The following USP50 variants were observed in gnomAD, a reference collection of about 807,000 sequenced individuals.
USP50 encodes ubiquitin specific peptidase 50.
In USP50, 37 loss-of-function variants were observed where a neutral mutation model predicts 39.2. The observed-to-expected ratio is 0.94, with a 90% CI of 0.73 to 1.24. The LOEUF (loss-of-function observed/expected upper bound fraction) is 1.24, where lower values mean the gene tolerates loss of function less well. USP50 is among the 50% of genes most tolerant of loss of function. The probability of loss-of-function intolerance (pLI) is 0.00; values close to 1 mark genes in which losing one functional copy is unlikely to be tolerated. For synonymous variants in USP50, 139 were observed against 144.5 expected, an observed-to-expected ratio of 0.96 and a Z score of 0.27; for missense variants, 374 against 398.2, an observed-to-expected ratio of 0.94 and a Z score of 0.52.
chr15:50,518,052 A>G (rs2052817161), intron 6 of USP50, among the ~76,000 whole-genome samples: 1 of 152,192 alleles, frequency 6.6e-6, no homozygotes, highest in South Asian at 2.1e-4. Flanking sequence ...CTATATCAGA[A>G]AAGAAGAAAG....
intron 5 of USP50, among the ~76,000 whole-genome samples, chr15:50,537,894 G>A (rs1596019276): frequency 5.2e-5 from 3 of 58,068 alleles, no homozygotes; most frequent in Non-Finnish European, 1.1e-4. Context: ...GGGAGGGGAG[G>A]GGAGGGAAGG....
chr15:50,498,807 G>T, downstream of USP50: 1 of 1,549,568 alleles, frequency 6.5e-7, no homozygotes, highest in South Asian at 1.2e-5. Context: ...CTACCTCATG[G>T]AAGAGTAAGA....
chr15:50,504,832 AT>A (rs1414760762), intron 6 of USP50: 2 of 145,622 alleles, frequency 1.4e-5, no homozygotes, highest in African/African-American at 5.1e-5. Context: ...AACAAAAAAA[AT>A]TAGCTGGGCC....
intron 6 of USP50, chr15:50,505,543 A>C (rs2052647078): frequency 6.6e-6 from 1 of 152,202 alleles, no homozygotes; most frequent in African/African-American, 2.4e-5. Flanking sequence ...AAACTCAATG[A>C]AGGAAGAAGT....
At chr15:50,536,010 T>G (rs970736145) in intron 5 of USP50, among the ~76,000 whole-genome samples, 1 of 152,148 alleles carries the variant, frequency 6.6e-6, no homozygotes, top group Admixed American at 6.5e-5. Flanking sequence ...CTACAAATAA[T>G]CTACAGTAAC....
At chr15:50,533,513 T>A (rs1454514290) in intron 5 of USP50, among the ~76,000 whole-genome samples, 1 of 151,846 alleles carries the variant, frequency 6.6e-6, no homozygotes, top group South Asian at 2.1e-4. Context: ...AACATAAGAA[T>A]TACATCTAAC....
intron 5 of USP50, among the ~76,000 whole-genome samples, chr15:50,533,354 C>T (rs3109877): frequency 0.18 from 27,560 of 151,766 alleles, 3,234 homozygotes; most frequent in East Asian, 0.46. Flanking sequence ...ACCACAGATA[C>T]AGGAAGCTCA....
downstream of USP50, chr15:50,496,997 GGT>G (rs1439743222): frequency 6.9e-7 from 1 of 1,452,164 alleles, no homozygotes; most frequent in African/African-American, 1.4e-5. Context: ...TTGAATCACT[GGT>G]GCCTGCAGAG....
At chr15:50,511,349 T>G (rs2052737409) in intron 6 of USP50, 1 of 152,152 alleles carries the variant, frequency 6.6e-6, no homozygotes, top group African/African-American at 2.4e-5. Flanking sequence ...CTGCTGCCAC[T>G]TTGGAAAACA....
At position 50,500,737 on chromosome 15, in the gene USP50, A is replaced by C. The variant is rs1208595461; in HGVS notation, c.*32T>G. 1 of 1,562,244 alleles carries C rather than the reference A, an allele frequency of 6.4e-7. No homozygotes were observed. The highest frequency in any genetic ancestry group is 2.3e-5 in the East Asian group (1 of 42,706). On this transcript the variant is annotated 3_prime_UTR_variant, in exon 7 of 7. Transcript: ENST00000532404. ...AGCATTTTGAACAGAAGTATCTGGA[A>C]TCTCACTGACTCGTGTGTTATCAAA... is the stretch of plus-strand genomic sequence containing the variant.
intron 1 of USP50, among the ~76,000 whole-genome samples, chr15:50,494,740 C>T (rs1049051456): frequency 2.6e-5 from 4 of 152,166 alleles, no homozygotes; most frequent in African/African-American, 9.7e-5. Context: ...CTTGGCTGGG[C>T]ACAGTGGCTT....
At chr15:50,523,773 G>C (rs1005739396) in intron 6 of USP50, among the ~76,000 whole-genome samples, 2 of 151,964 alleles carry the variant, frequency 1.3e-5, no homozygotes, top group African/African-American at 4.8e-5. Context: ...TACAGAAATA[G>C]AAAAAAATCC....
At chr15:50,515,014 A>AAAG (rs71124365) in intron 6 of USP50, among the ~76,000 whole-genome samples, 5 of 150,758 alleles carry the variant, frequency 3.3e-5, no homozygotes, top group South Asian at 4.2e-4. Context: ...AAAAAAAAAA[A>AAAG]GTATTTTTTA....
At chr15:50,512,891 G>A (rs1407647217) in intron 6 of USP50, 2 of 152,130 alleles carry the variant, frequency 1.3e-5, no homozygotes, top group African/African-American at 4.8e-5. Flanking sequence ...TTTTATTTAA[G>A]TTGGGAAACA....
chr15:50,495,203 T>TATAC (rs1566891170), intron 1 of USP50, among the ~76,000 whole-genome samples: 1 of 148,980 alleles, frequency 6.7e-6, no homozygotes, highest in Non-Finnish European at 1.5e-5. Context: ...TATATATATA[T>TATAC]ACACACACAC....
At chr15:50,496,142 A>C, downstream of USP50, 5 of 1,355,976 alleles carry the variant, frequency 3.7e-6, no homozygotes, top group Non-Finnish European at 5.1e-6. Flanking sequence ...GTTTTTATGG[A>C]TATAGAGATG....
intron 5 of USP50, among the ~76,000 whole-genome samples, chr15:50,530,597 A>T (rs941142609): frequency 2.0e-5 from 3 of 147,388 alleles, no homozygotes; most frequent in Admixed American, 6.8e-5. Flanking sequence ...AATAAAAAAT[A>T]AAAAAAAAAA....
At chr15:50,507,680 C>T (rs1303626812) in intron 6 of USP50, 1 of 152,056 alleles carries the variant, frequency 6.6e-6, no homozygotes, top group Non-Finnish European at 1.5e-5. Flanking sequence ...ATTGATCAAG[C>T]AGACAAAAAT....
downstream of USP50, chr15:50,495,692 A>G: frequency 1.7e-6 from 1 of 578,016 alleles, no homozygotes; most frequent in Middle Eastern, 4.5e-4. Context: ...ATTTTTGGCT[A>G]GAATTATTTT....
Sources: allele counts gnomAD v4.1 joint callset (sites outside exome capture counted in the v4.1 genomes callset), GRCh38; gene constraint gnomAD v4.1.1; transcripts MANE v1.5; gene names NCBI Gene and HGNC (gene_info 2026-07-23, HGNC 2026-07-21).